BTBD8: variants seen among roughly 807,000 people sequenced by gnomAD.
The protein encoded by BTBD8 is BTB domain containing 8, also known as BTB/POZ domain-containing protein 8.
BTBD8 carries 110 observed loss-of-function variants against 162.9 expected under a neutral mutation model. The ratio of observed to expected loss-of-function variants is 0.68; its 90% confidence interval spans 0.58 to 0.79. BTBD8 has a LOEUF of 0.79. Ranked by LOEUF, BTBD8 falls within the 30% of genes least tolerant of loss-of-function variation. The probability of loss-of-function intolerance (pLI) is 0.00; values close to 1 mark genes in which losing one functional copy is unlikely to be tolerated. For missense variants in BTBD8, 1,905 were observed against 2,085.4 expected (o/e 0.91, Z 1.68); for synonymous variants, 667 against 716.1 (o/e 0.93, Z 1.10).
At chr1:92,138,146 C>T (rs1278148903) in intron 5 of BTBD8, among the ~76,000 whole-genome samples, 6 of 152,088 alleles carry the variant, frequency 3.9e-5, no homozygotes, top group African/African-American at 7.2e-5. Context: ...CTGCAGCTGG[C>T]GATGTGGAAA....
intron 4 of BTBD8, chr1:92,125,848 A>T (rs1649340505): frequency 4.8e-6 from 2 of 413,394 alleles, no homozygotes; most frequent in South Asian, 4.3e-5. Context: ...GATAACTTCT[A>T]GGTGATTGAG....
intron 2 of BTBD8, 51 bp from the exon 3 acceptor site, chr1:92,102,422 T>C: frequency 8.2e-7 from 1 of 1,214,102 alleles, no homozygotes; most frequent in Non-Finnish European, 1.1e-6. Flanking sequence ...ATTCTTTCTT[T>C]TTAAGAATCA....
chr1:92,156,758 T>G (rs889091290), intron 9 of BTBD8, among the ~76,000 whole-genome samples: 1 of 152,160 alleles, frequency 6.6e-6, no homozygotes, highest in African/African-American at 2.4e-5. Flanking sequence ...TATGATCATT[T>G]TAATTTGTGT....
chr1:92,157,145 A>G (rs897894172), intron 9 of BTBD8, among the ~76,000 whole-genome samples: 1 of 151,852 alleles, frequency 6.6e-6, no homozygotes, highest in Non-Finnish European at 1.5e-5. Flanking sequence ...GTTTCAAGAT[A>G]CCTTCTAATT....
At chr1:92,174,795 C>T (rs187643278) in intron 13 of BTBD8, among the ~76,000 whole-genome samples, 3 of 152,162 alleles carry the variant, frequency 2.0e-5, no homozygotes, top group African/African-American at 7.2e-5. Flanking sequence ...CTGAAATGTC[C>T]CAGGCTGGTT....
chr1:92,132,804 T>A (rs527759084), intron 5 of BTBD8, among the ~76,000 whole-genome samples: 2 of 152,360 alleles, frequency 1.3e-5, no homozygotes, highest in East Asian at 3.9e-4. Context: ...TGACTCCTAA[T>A]GTTAATGCAT....
At chr1:92,113,746 C>T (rs1322646907) in intron 4 of BTBD8, among the ~76,000 whole-genome samples, 1 of 151,948 alleles carries the variant, frequency 6.6e-6, no homozygotes, top group Non-Finnish European at 1.5e-5. Flanking sequence ...GGTGCGGTGG[C>T]TCACGCCTGT....
chr1:92,142,820 TCC>T (rs1365641607), intron 7 of BTBD8, among the ~76,000 whole-genome samples: 1 of 152,186 alleles, frequency 6.6e-6, no homozygotes, highest in Non-Finnish European at 1.5e-5. Context: ...AATAAAGGCC[TCC>T]AGTATCTGAA....
rs138434852 is a variant in BTBD8 at position 92,141,852 on chromosome 1, T to C, written c.930+641T>C. ...TGTTTTTAAAATTTTCTACAAAGAA[T>C]GTGTATTACTTTTATAATCAATAAA... On this transcript the variant is annotated intron_variant, in intron 7 of 17. Coordinates refer to ENST00000636805, the MANE Select transcript of BTBD8 (RefSeq NM_001376131.1). 1.8e-3 allele frequency among the ~76,000 whole-genome samples: 267 copies of C among 152,376 alleles called. 3 individuals are homozygous for C. The highest frequency in any genetic ancestry group is 5.9e-3 in the African/African-American group (244 of 41,592).
chr1:92,121,849 T>A (rs1003777563), intron 4 of BTBD8, among the ~76,000 whole-genome samples: 2 of 151,898 alleles, frequency 1.3e-5, no homozygotes, highest in East Asian at 1.9e-4. Context: ...TTATTTTTTT[T>A]TTTTTGAGAC....
intron 12 of BTBD8, 74 bp from the exon 13 acceptor site, chr1:92,171,325 C>G: frequency 9.3e-7 from 1 of 1,076,120 alleles, no homozygotes; most frequent in Non-Finnish European, 1.3e-6. Flanking sequence ...TTTCTACTGA[C>G]ATACTATTTT....
At chr1:92,178,253 T>C (rs1458974540) in intron 15 of BTBD8, 59 bp from the exon 16 acceptor site, 1 of 1,385,734 alleles carries the variant, frequency 7.2e-7, no homozygotes, top group Non-Finnish European at 9.7e-7. Flanking sequence ...TATTGGTCTT[T>C]TAAAAAGTTC....
chr1:92,137,088 T>C (rs1649652278), intron 5 of BTBD8, among the ~76,000 whole-genome samples: 1 of 152,064 alleles, frequency 6.6e-6, no homozygotes. Context: ...TATAAGGAAG[T>C]GTAAGTAGCT....
chr1:92,110,789 C>G (rs1336655619), intron 4 of BTBD8, among the ~76,000 whole-genome samples: 1 of 152,066 alleles, frequency 6.6e-6, no homozygotes, highest in Non-Finnish European at 1.5e-5. Flanking sequence ...GTGATCCGCC[C>G]ACCTCGGCCT....
intron 2 of BTBD8, among the ~76,000 whole-genome samples, chr1:92,096,058 G>A (rs1019188357): frequency 2.6e-5 from 4 of 151,316 alleles, no homozygotes; most frequent in Non-Finnish European, 5.9e-5. Flanking sequence ...TGCAACCTCT[G>A]CCTCCAAGGC....
intron 2 of BTBD8, among the ~76,000 whole-genome samples, chr1:92,097,284 C>T (rs1018929524): frequency 6.6e-6 from 1 of 152,084 alleles, no homozygotes; most frequent in African/African-American, 2.4e-5. Context: ...AATACTCCAC[C>T]AGCTAATACC....
chr1:92,099,378 T>A (rs971137992), intron 2 of BTBD8, among the ~76,000 whole-genome samples: 1 of 151,852 alleles, frequency 6.6e-6, no homozygotes, highest in African/African-American at 2.4e-5. Context: ...CTGGGCCCCT[T>A]GTATTTCCAT....
chr1:92,131,029 A>G (rs987836774), intron 5 of BTBD8, among the ~76,000 whole-genome samples: 12 of 152,226 alleles, frequency 7.9e-5, no homozygotes, highest in Non-Finnish European at 2.9e-5. Context: ...AAATACTAAT[A>G]TAACACTTTT....
intron 2 of BTBD8, among the ~76,000 whole-genome samples, chr1:92,094,077 T>A (rs1214480017): frequency 6.6e-6 from 1 of 152,228 alleles, no homozygotes; most frequent in East Asian, 1.9e-4. Context: ...CATTATCTTG[T>A]TTTATTTTTT....
Sources: gnomAD v4.1 joint callset for allele counts (sites outside exome capture counted in the v4.1 genomes callset) on GRCh38, gnomAD v4.1.1 for gene constraint, MANE v1.5 for transcripts, NCBI Gene and HGNC (gene_info 2026-07-23, HGNC 2026-07-21) for gene names.